Variants in PRKAA2 observed in about 807,000 individuals in gnomAD.
The protein encoded by PRKAA2 is protein kinase AMP-activated catalytic subunit alpha 2.
In PRKAA2, 40 loss-of-function variants were observed where a neutral mutation model predicts 56.3. That is an observed-to-expected ratio of 0.71 (90% CI 0.55 to 0.92). The LOEUF (loss-of-function observed/expected upper bound fraction) is 0.92. PRKAA2 is among the 40% of genes least tolerant of loss of function. The probability of loss-of-function intolerance (pLI) is 0.00; values close to 1 mark genes in which losing one functional copy is unlikely to be tolerated. For missense variants in PRKAA2, 542 were observed against 686.9 expected, an observed-to-expected ratio of 0.79 and a Z score of 2.36; for synonymous variants, 214 against 234.2, an observed-to-expected ratio of 0.91 and a Z score of 0.79.
At chr1:56,645,581 G>A in intron 1 of PRKAA2, 100 bp downstream of exon 1, 1 of 1,160,966 alleles carries the variant, frequency 8.6e-7, no homozygotes, top group South Asian at 1.6e-5. Flanking sequence ...GCGGGGCTCG[G>A]CGGCAGGTGG....
chr1:56,704,919 A>G (rs1251682685), intron 7 of PRKAA2, among the ~76,000 whole-genome samples: 1 of 152,076 alleles, frequency 6.6e-6, no homozygotes, highest in East Asian at 1.9e-4. Flanking sequence ...CAGTCAATAA[A>G]CACTTTTCTC....
At chr1:56,669,198 C>T (rs982480151) in intron 1 of PRKAA2, among the ~76,000 whole-genome samples, 1 of 152,078 alleles carries the variant, frequency 6.6e-6, no homozygotes, top group Non-Finnish European at 1.5e-5. Context: ...GTGGCTCACA[C>T]CTGTAATGCC....
At chr1:56,684,296 T>G (rs1441378886) in intron 2 of PRKAA2, among the ~76,000 whole-genome samples, 1 of 152,084 alleles carries the variant, frequency 6.6e-6, no homozygotes, top group African/African-American at 2.4e-5. Flanking sequence ...GTTGAAATGC[T>G]TATTAGACAT....
In PRKAA2 at chr1:56,704,032, G is replaced by A. The variant is rs1644314517; in HGVS notation, c.850G>A (p.Asp284Asn). 2 of 1,613,874 alleles carry A rather than the reference G, an allele frequency of 1.2e-6. No homozygotes were observed. Among genetic ancestry groups the A allele is most frequent in the Non-Finnish European group, 1.7e-6 (2 of 1,179,798 alleles). Residue 284 changes from aspartate (D) to asparagine (N), a missense_variant, in exon 7 of 9, where the codon GAT becomes AAT. Transcript: ENST00000371244. ...CTTATTTCCTGAAGACCCTTCCTAT[G>A]ATGCTAACGTCATTGATGATGAGGC... ...SYLFPEDPSY[D>N]ANVIDDEAVK...
chr1:56,697,063 G>A (rs1474419999), intron 6 of PRKAA2, among the ~76,000 whole-genome samples: 1 of 121,926 alleles, frequency 8.2e-6, no homozygotes, highest in Non-Finnish European at 1.6e-5. Context: ...AGGCTGGAGT[G>A]CAGTGGTGTG....
intron 5 of PRKAA2, among the ~76,000 whole-genome samples, chr1:56,694,849 T>A (rs952916222): frequency 6.6e-6 from 1 of 152,078 alleles, no homozygotes; most frequent in Non-Finnish European, 1.5e-5. Flanking sequence ...ATACAGCAAA[T>A]GATGTAAACA....
At chr1:56,649,269 ATGTGGATAACCAAT>A (rs1202509888) in intron 1 of PRKAA2, among the ~76,000 whole-genome samples, 2 of 152,332 alleles carry the variant, frequency 1.3e-5, no homozygotes, top group Non-Finnish European at 2.9e-5. Context: ...AACTTTTTCC[ATGTGGATAACCAAT>A]TGTCTCAGCA....
intron 4 of PRKAA2, among the ~76,000 whole-genome samples, chr1:56,692,823 C>G (rs1644237840): frequency 6.8e-6 from 1 of 147,476 alleles, no homozygotes; most frequent in Non-Finnish European, 1.5e-5. Flanking sequence ...GGGGAGGAGT[C>G]CCAGACTTCT....
intron 1 of PRKAA2, among the ~76,000 whole-genome samples, chr1:56,659,805 A>C (rs901018598): frequency 1.3e-5 from 2 of 151,970 alleles, no homozygotes; most frequent in Non-Finnish European, 1.5e-5. Flanking sequence ...CGACTTGGGG[A>C]ACTGAGGCGG....
rs1644384644 is a variant in PRKAA2 at position 56,713,715 on chromosome 1, T to A, written c.*6002T>A. 1 of 145,302 alleles carries A rather than the reference T, an allele frequency of 6.9e-6. No individual in the cohort carries two copies. Among genetic ancestry groups the A allele is most frequent in the Non-Finnish European group, 1.6e-5 (1 of 63,660 alleles). 9.0% of individuals were successfully genotyped at this position (145,302 alleles called of 1,614,324 possible). ...CAAAAACATTCTAGCCAAGGAGAAT[T>A]GCATTGTTATTTTTTTTTCTACTAA... On this transcript the variant is annotated 3_prime_UTR_variant, in exon 9 of 9. Coordinates refer to ENST00000371244, the MANE Select transcript of PRKAA2 (RefSeq NM_006252.4).
chr1:56,668,037 C>T lies in PRKAA2; in HGVS notation c.95-6344C>T, dbSNP rs116640512. 3.0e-4 allele frequency among the ~76,000 whole-genome samples: 46 copies of T among 152,138 alleles called. 1 individual carries two copies. The highest frequency in any genetic ancestry group is 1.2e-3 in the South Asian group (6 of 4,816). ...TGATTTTATTTATTTAGATAAAATACGATGATAGACTTGATTTTACTTATT... is the reference window on the plus strand; with the variant it reads ...TGATTTTATTTATTTAGATAAAATATGATGATAGACTTGATTTTACTTATT... On this transcript the variant is annotated intron_variant, in intron 1 of 8. Transcript: ENST00000371244.
rs1644397076 is a variant in PRKAA2 at position 56,715,100 on chromosome 1, A to G, written c.*7387A>G. On this transcript the variant is annotated 3_prime_UTR_variant, in exon 9 of 9. Coordinates refer to ENST00000371244, the MANE Select transcript of PRKAA2 (RefSeq NM_006252.4). The stretch of plus-strand genomic sequence containing the variant: ...GATTCAAATTTCAGTTTTGTTTGTT[A>G]TATACTTTTTGTGAGTGTTAAATGA... 1 of 152,068 alleles carries G rather than the reference A, an allele frequency of 6.6e-6. No individual in the cohort carries two copies. The highest frequency in any genetic ancestry group is 2.4e-5 in the African/African-American group (1 of 41,434). The allele number at this position is 152,068 out of a possible 1,614,324, so 9.4% of individuals were successfully genotyped here.
Position 56,712,594 on chromosome 1 carries a change from A to C in PRKAA2, c.*4881A>C, listed in dbSNP as rs1434989321. The C allele has an allele frequency of 1.3e-5, 2 of 152,128 alleles. No homozygotes were observed. Among genetic ancestry groups the C allele is most frequent in the Non-Finnish European group, 2.9e-5 (2 of 68,014 alleles). The allele number at this position is 152,128 out of a possible 1,614,324, so 9.4% of individuals were successfully genotyped here. ...AGGCTGGGTGTAGTGGCTCATGCCT[A>C]TAATCCCAGCACTTTGGGAGGCCAA... On this transcript the variant is annotated 3_prime_UTR_variant, in exon 9 of 9. Transcript: ENST00000371244.
In PRKAA2 at chr1:56,691,470, A is replaced by T. The variant is rs1333320495; in HGVS notation, c.313A>T (p.Ile105Phe). 6.2e-7 allele frequency: 1 copy of T among 1,609,450 alleles called. No homozygotes were observed. The highest frequency in any genetic ancestry group is 1.7e-5 in the Admixed American group (1 of 59,962). ...GTCTGGAGGTGAATTATTTGACTACATCTGTAAGCATGGACGGGTGAGTAA... is the reference window on the plus strand; with the variant it reads ...GTCTGGAGGTGAATTATTTGACTACTTCTGTAAGCATGGACGGGTGAGTAA... ...YVSGGELFDY[I>F]CKHGRVEEME... is the part of the protein sequence containing the mutation. Residue 105 changes from isoleucine (I) to phenylalanine (F), a missense_variant, in exon 3 of 9, where the codon ATC (isoleucine) becomes TTC (phenylalanine). Coordinates refer to ENST00000371244, the MANE Select transcript of PRKAA2 (RefSeq NM_006252.4).
intron 1 of PRKAA2, among the ~76,000 whole-genome samples, chr1:56,669,644 G>A (rs571746705): frequency 1.3e-5 from 2 of 152,194 alleles, no homozygotes; most frequent in South Asian, 2.1e-4. Flanking sequence ...GACAATAGGC[G>A]AAGACACAAG....
chr1:56,678,908 A>C (rs949978737), intron 2 of PRKAA2, among the ~76,000 whole-genome samples: 2 of 152,054 alleles, frequency 1.3e-5, no homozygotes, highest in Non-Finnish European at 2.9e-5. Flanking sequence ...GTTGGCCAGG[A>C]TGGCCTTGAT....
chr1:56,694,239 T>A (rs1249182132), intron 5 of PRKAA2, among the ~76,000 whole-genome samples: 1 of 152,206 alleles, frequency 6.6e-6, no homozygotes, highest in Non-Finnish European at 1.5e-5. Context: ...TTTTATATTT[T>A]GTGTTTGGAA....
At chr1:56,679,551 C>T (rs1254571054) in intron 2 of PRKAA2, among the ~76,000 whole-genome samples, 1 of 152,134 alleles carries the variant, frequency 6.6e-6, no homozygotes, top group East Asian at 1.9e-4. Flanking sequence ...TTCTTACATA[C>T]AATCAATCAT....
At chr1:56,651,861 G>C (rs1464617168) in intron 1 of PRKAA2, among the ~76,000 whole-genome samples, 1 of 131,088 alleles carries the variant, frequency 7.6e-6, no homozygotes, top group Non-Finnish European at 1.6e-5. Context: ...TTTTTTTTTT[G>C]AGACTAGTCT....
Sources: gnomAD v4.1 joint callset for allele counts (sites outside exome capture counted in the v4.1 genomes callset) on GRCh38, gnomAD v4.1.1 for gene constraint, MANE v1.5 for transcripts, NCBI Gene and HGNC (gene_info 2026-07-23, HGNC 2026-07-21) for gene names.